The following PGLYRP2 variants were observed in gnomAD, a reference collection of about 807,000 sequenced individuals.
PGLYRP2 encodes peptidoglycan recognition protein 2.
PGLYRP2 carries 38 observed loss-of-function variants against 46.2 expected under a neutral mutation model. The observed-to-expected ratio is 0.82, with a 90% CI of 0.64 to 1.08. The LOEUF (loss-of-function observed/expected upper bound fraction) is 1.08, where lower values mean the gene tolerates loss of function less well. Ranked by LOEUF, PGLYRP2 falls within the 50% of genes least tolerant of loss-of-function variation. The pLI, the probability that PGLYRP2 is intolerant of heterozygous loss-of-function variation, is 0.00. For synonymous variants in PGLYRP2, 289 were observed against 329.4 expected, an observed-to-expected ratio of 0.88 and a Z score of 1.33; for missense variants, 713 against 755.9, an observed-to-expected ratio of 0.94 and a Z score of 0.67.
At position 15,475,751 on chromosome 19, in the gene PGLYRP2, C is replaced by T. The variant is rs1473018187; in HGVS notation, c.919G>A (p.Gly307Arg). ...SHLLSQYYGA[G>R]VARDPGFRSN... is the part of the protein sequence containing the mutation. The stretch of plus-strand genomic sequence containing the variant: ...CGGAACCCTGGGTCTCTGGCCACCC[C>T]AGCCCCATAGTACTGGCTCAGCAAG... Residue 307 changes from glycine (G) to arginine (R), a missense_variant, in exon 2 of 5, where the codon GGG becomes AGG. Coordinates refer to ENST00000340880, the MANE Select transcript of PGLYRP2 (RefSeq NM_052890.4). 1 of 1,614,048 alleles carries T rather than the reference C, an allele frequency of 6.2e-7. No individual in the cohort carries two copies. Among genetic ancestry groups the T allele is most frequent in the South Asian group, 1.1e-5 (1 of 91,080 alleles).
chr19:15,475,560 C>G lies in PGLYRP2; in HGVS notation c.1110G>C (p.Lys370Asn). Reference sequence around the variant, plus strand: ...CACCCAGGAAGGCCTCAGTGAATTCCTTGGTAGCATTGGCAGCCACCTGGG... The same window carrying G: ...CACCCAGGAAGGCCTCAGTGAATTCGTTGGTAGCATTGGCAGCCACCTGGG... ...QLAQVAANAT[K>N]EFTEAFLGCP... The change falls in exon 2 of 5, where the codon AAG (lysine) becomes AAC (asparagine). Residue 370 changes from lysine to asparagine, a missense_variant. Physicochemically the swap from Lys to Asn is moderately conservative, Grantham distance 94. Coordinates refer to ENST00000340880, the MANE Select transcript of PGLYRP2 (RefSeq NM_052890.4). 2 of 1,606,724 alleles carry G rather than the reference C, an allele frequency of 1.2e-6. No individual in the cohort carries two copies. The highest frequency in any genetic ancestry group is 3.4e-5 in the Admixed American group (2 of 59,368).
At position 15,479,356 on chromosome 19, in the gene PGLYRP2, G is replaced by A. The variant is rs769244717; in HGVS notation, c.16C>T (p.Leu6Phe). 5.0e-6 allele frequency: 8 copies of A among 1,614,058 alleles called. No homozygotes were observed. The Middle Eastern group carries it at 4.9e-4, about 100-fold the overall frequency. Reference protein sequence around the residue: MAQGVLWILLGLLLWS... With the variant: MAQGVFWILLGLLLWS... ...AGTAGCAATCCGAGTAGGATCCAGA[G>A]GACACCCTGGGCCATTGTTGCAGGA... is the stretch of plus-strand genomic sequence containing the variant. The change falls in exon 1 of 5, where the codon CTC (leucine) becomes TTC (phenylalanine). Residue 6 changes from leucine (L) to phenylalanine (F), a missense_variant. Coordinates refer to ENST00000340880, the MANE Select transcript of PGLYRP2 (RefSeq NM_052890.4).
intron 3 of PGLYRP2, 110 bp from the exon 4 acceptor site, chr19:15,470,039 C>T: frequency 8.4e-7 from 1 of 1,184,074 alleles, no homozygotes; most frequent in East Asian, 3.2e-5. Flanking sequence ...GACCCCAAGA[C>T]CCGCGCGGTC....
rs976332046 is a variant in PGLYRP2, at chr19:15,475,662, C to T, written c.1008G>A (p.Val336=). The change falls in exon 2 of 5, where the codon GTG becomes GTA. Residue 336 remains valine (V), a synonymous_variant. Coordinates refer to ENST00000340880, the MANE Select transcript of PGLYRP2 (RefSeq NM_052890.4). Reference sequence around the variant, plus strand: ...TCTGTAGAAGGACAAGGGTTCCCCACACCTGCTGGGCCAGGATGGAGGCTG... The same window carrying T: ...TCTGTAGAAGGACAAGGGTTCCCCATACCTGCTGGGCCAGGATGGAGGCTG... ...LTSASILAQQ[V]WGTLVLLQRL... is the part of the protein sequence containing the mutation. The T allele has an allele frequency of 1.9e-6, 3 of 1,614,196 alleles. No individual in the cohort carries two copies. The highest frequency in any genetic ancestry group is 3.3e-4 in the Middle Eastern group (2 of 6,062).
intron 1 of PGLYRP2, among the ~76,000 whole-genome samples, chr19:15,478,364 A>G (rs1970816630): frequency 6.6e-6 from 1 of 152,328 alleles, no homozygotes; most frequent in East Asian, 1.9e-4. Context: ...AAAAAAAAGA[A>G]CAGACATTTA....
chr19:15,471,538 A>T (rs1377273013), intron 3 of PGLYRP2, among the ~76,000 whole-genome samples: 1 of 151,892 alleles, frequency 6.6e-6, no homozygotes, highest in Non-Finnish European at 1.5e-5. Flanking sequence ...AAGTGGTGAG[A>T]TTACAGGCGG....
At chr19:15,470,166 C>T (rs1970731117) in intron 3 of PGLYRP2, among the ~76,000 whole-genome samples, 1 of 151,932 alleles carries the variant, frequency 6.6e-6, no homozygotes, top group South Asian at 2.1e-4. Flanking sequence ...TGCCCTTCTC[C>T]TCCCCACCTC....
chr19:15,469,854 G>T lies in PGLYRP2; in HGVS notation c.1419C>A (p.His473Gln). 1 of 1,512,448 alleles carries T rather than the reference G, an allele frequency of 6.6e-7. No individual in the cohort carries two copies. The highest frequency in any genetic ancestry group is 8.8e-7 in the Non-Finnish European group (1 of 1,141,400). The allele number at this position is 1,512,448 out of a possible 1,614,324, so 93.7% of individuals were successfully genotyped here. A position where few individuals can be genotyped will look rare whatever the true frequency, so the allele number is the denominator to read the frequency against. ...WHWVGAHTLG[H>Q]NSRGFGVAIV... ...TGGCCACGCCGAAGCCCCGGGAGTT[G>T]TGGCCGAGCGTGTGGGCGCCCACCC... is the stretch of plus-strand genomic sequence containing the variant. Residue 473 changes from histidine to glutamine, a missense_variant, in exon 4 of 5, where the codon CAC (histidine) becomes CAA (glutamine). Physicochemically the swap from His to Gln is conservative, Grantham distance 24 (BLOSUM62 0). Transcript: ENST00000340880. This position sits in a 1 kb window ranked among gnomAD's most constrained non-coding sequence, Gnocchi z 4.9.
Position 15,469,177 on chromosome 19 carries a change from T to C in PGLYRP2, c.1642-425A>G. ...GGCAAAAGGTCACAGCCTAGGTTCA[T>C]GTTGTGTGGACAGAGGGCCTTCGGG... On this transcript the variant is annotated intron_variant, in intron 4 of 4. Transcript: ENST00000340880. This position sits in a 1 kb window ranked among gnomAD's most constrained non-coding sequence, Gnocchi z 4.9. The C allele has an allele frequency of 1.7e-6, 1 of 581,642 alleles. No individual in the cohort carries two copies. Among genetic ancestry groups the C allele is most frequent in the South Asian group, 2.2e-5 (1 of 46,388 alleles). 36.0% of individuals were successfully genotyped at this position (581,642 alleles called of 1,614,324 possible).
In PGLYRP2 at chr19:15,479,292, A is replaced by C. The variant is rs762832200; in HGVS notation, c.61+19T>G. 4 of 1,613,578 alleles carry C rather than the reference A, an allele frequency of 2.5e-6. No homozygotes were observed. The highest frequency in any genetic ancestry group is 3.4e-6 in the Non-Finnish European group (4 of 1,179,754). ...CAGAGCCAAGAGGTTTGGTCCCAGG[A>C]CTCTGCCCCCTGACTCACCTGTCCC... On this transcript the variant is annotated intron_variant, in intron 1 of 4. Transcript: ENST00000340880.
In PGLYRP2 at chr19:15,475,794, G is replaced by C; in HGVS notation, c.876C>G (p.Pro292=). 1 of 1,614,110 alleles carries C rather than the reference G, an allele frequency of 6.2e-7. No individual in the cohort carries two copies. The highest frequency in any genetic ancestry group is 8.5e-7 in the Non-Finnish European group (1 of 1,180,022). ...LGDYLSRTPE[P]RPSLSHLLSQ... Reference sequence around the variant, plus strand: ...TCAGCAAGTGGCTGAGGGATGGCCGGGGCTCAGGAGTCCGGCTCAGGTAGT... The same window carrying C: ...TCAGCAAGTGGCTGAGGGATGGCCGCGGCTCAGGAGTCCGGCTCAGGTAGT... The change falls in exon 2 of 5, where the codon CCC becomes CCG. Residue 292 remains proline (P), a synonymous_variant. Coordinates refer to ENST00000340880, the MANE Select transcript of PGLYRP2 (RefSeq NM_052890.4).
intron 2 of PGLYRP2, among the ~76,000 whole-genome samples, chr19:15,472,809 T>G (rs954701849): frequency 2.6e-5 from 4 of 152,092 alleles, no homozygotes; most frequent in African/African-American, 9.7e-5. Context: ...TCAAAGTCAT[T>G]TTTCACAGAA....
chr19:15,475,667 G>C lies in PGLYRP2; in HGVS notation c.1003C>G (p.Gln335Glu). Residue 335 changes from glutamine to glutamate, a missense_variant, in exon 2 of 5, where the codon CAG (glutamine) becomes GAG (glutamate). Coordinates refer to ENST00000340880, the MANE Select transcript of PGLYRP2 (RefSeq NM_052890.4). ...ALTSASILAQQVWGTLVLLQR... is the reference protein window; with the variant it reads ...ALTSASILAQEVWGTLVLLQR... ...AGAAGGACAAGGGTTCCCCACACCT[G>C]CTGGGCCAGGATGGAGGCTGAAGTC... The C allele has an allele frequency of 6.2e-7, 1 of 1,614,174 alleles. No homozygotes were observed. Among genetic ancestry groups the C allele is most frequent in the Non-Finnish European group, 8.5e-7 (1 of 1,180,028 alleles).
Position 15,471,944 on chromosome 19 carries a change from C to A in PGLYRP2, c.1289G>T (p.Arg430Leu), listed in dbSNP as rs1198286152. 6.2e-7 allele frequency: 1 copy of A among 1,614,104 alleles called. No individual in the cohort carries two copies. ...GTCCTGGTGGTAGCGCTGCATGGAG[C>A]GCATGTTGGCTGCGCAGCGCGTGAA... ...TDFTRCAANMRSMQRYHQDTQ... is the reference protein window; with the variant it reads ...TDFTRCAANMLSMQRYHQDTQ... Residue 430 changes from arginine (R) to leucine (L), a missense_variant, in exon 3 of 5, where the codon CGC becomes CTC. Transcript: ENST00000340880.
chr19:15,470,708 G>T (rs1031686913), intron 3 of PGLYRP2, among the ~76,000 whole-genome samples: 1 of 151,594 alleles, frequency 6.6e-6, no homozygotes, highest in Non-Finnish European at 1.5e-5. Flanking sequence ...GCAACGACGC[G>T]ATCTCGGCTC....
chr19:15,470,605 C>T (rs1024533333), intron 3 of PGLYRP2, among the ~76,000 whole-genome samples: 1 of 150,872 alleles, frequency 6.6e-6, no homozygotes, highest in Non-Finnish European at 1.5e-5. Flanking sequence ...CTGTGCCCAG[C>T]CTTCTCCCCT....
Position 15,469,206 on chromosome 19 carries a change from G to A in PGLYRP2, c.1641+426C>T, listed in dbSNP as rs1232304090. The A allele has an allele frequency of 3.4e-6, 2 of 595,486 alleles. No homozygotes were observed. The highest frequency in any genetic ancestry group is 1.9e-5 in the African/African-American group (1 of 53,684). 36.9% of individuals were successfully genotyped at this position (595,486 alleles called of 1,614,324 possible). A position where few individuals can be genotyped will look rare whatever the true frequency, so the allele number is the denominator to read the frequency against. ...GTGTGGACAGAGGGCCTTCGGGTAG[G>A]GGCAGGGGTGAGGTCAAGGTTCGGC... On this transcript the variant is annotated intron_variant, in intron 4 of 4. Transcript: ENST00000340880. The surrounding 1 kb of genome is among the most constrained non-coding windows in gnomAD (Gnocchi z 4.9).
In PGLYRP2 at chr19:15,469,823, C is replaced by A; in HGVS notation, c.1450G>T (p.Gly484Cys). 6.5e-7 allele frequency: 1 copy of A among 1,527,556 alleles called. No individual in the cohort carries two copies. The highest frequency in any genetic ancestry group is 1.2e-5 in the South Asian group (1 of 81,926). The allele number at this position is 1,527,556 out of a possible 1,614,324, so 94.6% of individuals were successfully genotyped here. ...NSRGFGVAIV[G>C]NYTAALPTEA... ...GTGGGCAGCGCCGCGGTGTAGTTGC[C>A]CACTATGGCCACGCCGAAGCCCCGG... Residue 484 changes from glycine to cysteine, a missense_variant, in exon 4 of 5, where the codon GGC becomes TGC. Gly to Cys is a radical substitution (Grantham distance 159, BLOSUM62 -3). Transcript: ENST00000340880. The surrounding 1 kb of genome is among the most constrained non-coding windows in gnomAD (Gnocchi z 4.9).
intron 3 of PGLYRP2, among the ~76,000 whole-genome samples, chr19:15,470,503 C>T (rs1453583029): frequency 6.6e-6 from 1 of 151,374 alleles, no homozygotes; most frequent in Non-Finnish European, 1.5e-5. Flanking sequence ...GACGGTGTTT[C>T]GCCATGTTGG....
Sources: gnomAD v4.1 joint callset for allele counts (sites outside exome capture counted in the v4.1 genomes callset) on GRCh38, gnomAD v4.1.1 for gene constraint, Gnocchi (gnomAD v3.1) non-coding constraint, MANE v1.5 for transcripts, NCBI Gene and HGNC (gene_info 2026-07-23, HGNC 2026-07-21) for gene names.